Variants in TRAK1 observed in about 807,000 individuals in gnomAD.
TRAK1 encodes trafficking kinesin-binding protein 1.
TRAK1 carries 33 observed loss-of-function variants against 92.1 expected under a neutral mutation model. The observed-to-expected ratio is 0.36, with a 90% CI of 0.27 to 0.48. TRAK1 has a LOEUF of 0.48. TRAK1 is among the 20% of genes least tolerant of loss of function. The pLI, the probability that TRAK1 is intolerant of heterozygous loss-of-function variation, is 0.99. For missense variants in TRAK1, 1,123 were observed against 1,257.9 expected (o/e 0.89, Z 1.62); for synonymous variants, 521 against 517.3 (o/e 1.01, Z -0.10).
intron 1 of TRAK1, among the ~76,000 whole-genome samples, chr3:42,117,322 T>C (rs1377193689): frequency 1.3e-5 from 2 of 150,926 alleles, no homozygotes; most frequent in Non-Finnish European, 2.9e-5. Context: ...TCCAAACTCT[T>C]GAAACTGTGC....
intron 1 of TRAK1, among the ~76,000 whole-genome samples, chr3:42,025,276 C>T (rs17219278): frequency 0.073 from 11,176 of 152,154 alleles, 483 homozygotes; most frequent in Middle Eastern, 0.21. Context: ...ACCCTGGCAA[C>T]GAGGCACGCT....
intron 2 of TRAK1, among the ~76,000 whole-genome samples, chr3:42,150,816 G>T (rs1038053869): frequency 2.0e-5 from 3 of 152,184 alleles, no homozygotes; most frequent in African/African-American, 4.8e-5. Context: ...TGTTCGTTCT[G>T]TGTACATCTT....
intron 2 of TRAK1, among the ~76,000 whole-genome samples, chr3:42,166,780 T>TA (rs1315168244): frequency 6.6e-6 from 1 of 152,160 alleles, no homozygotes; most frequent in Admixed American, 6.5e-5. Flanking sequence ...TGATAAGCAA[T>TA]AAAAGGAAGC....
intron 2 of TRAK1, among the ~76,000 whole-genome samples, chr3:42,135,407 T>A (rs1697821745): frequency 6.6e-6 from 1 of 152,216 alleles, no homozygotes; most frequent in Admixed American, 6.5e-5. Flanking sequence ...TGAGCTCTCT[T>A]GATGGAGGGA....
chr3:42,089,711 C>G (rs1242822237), upstream of TRAK1, among the ~76,000 whole-genome samples: 1 of 132,056 alleles, frequency 7.6e-6, no homozygotes, highest in Non-Finnish European at 1.6e-5. Flanking sequence ...CCTCACCTTT[C>G]CCCATCTCCC....
In TRAK1 at chr3:42,223,389, C is replaced by T; in HGVS notation, c.2514C>T (p.Val838=). The T allele has an allele frequency of 6.2e-7, 1 of 1,614,238 alleles. No homozygotes were observed. Residue 838 remains valine (V), a synonymous_variant, in exon 16 of 16, where the codon GTC becomes GTT. Coordinates refer to ENST00000327628, the MANE Select transcript of TRAK1 (RefSeq NM_001042646.3). The surrounding 1 kb of genome is among the most constrained non-coding windows in gnomAD (Gnocchi z 6.1). ...GCGAGAGCCAGACCGACGTGTCCGT[C>T]TCCAACCTCAACCTCGTGGACAAAG... The part of the protein sequence containing the change: ...RSSESQTDVS[V]SNLNLVDKVR...
chr3:42,060,644 T>TTGG (rs1703392677), intron 1 of TRAK1, among the ~76,000 whole-genome samples: 2 of 141,982 alleles, frequency 1.4e-5, no homozygotes, highest in African/African-American at 2.5e-5. Context: ...TTTTTTTTTT[T>TTGG]GAGACGGAGT....
chr3:42,120,565 A>G (rs1196347412), intron 1 of TRAK1, among the ~76,000 whole-genome samples: 2 of 151,590 alleles, frequency 1.3e-5, no homozygotes, highest in Non-Finnish European at 2.9e-5. Flanking sequence ...TTTGTTTGAG[A>G]TGGAGTCTCG....
intron 13 of TRAK1, among the ~76,000 whole-genome samples, chr3:42,205,810 G>A (rs1166992751): frequency 1.3e-5 from 2 of 152,262 alleles, no homozygotes; most frequent in African/African-American, 2.4e-5. Flanking sequence ...GAACACTGGG[G>A]TATGGAAGGA....
intron 1 of TRAK1, among the ~76,000 whole-genome samples, chr3:42,053,794 C>T (rs78875537): frequency 0.074 from 11,280 of 152,166 alleles, 486 homozygotes; most frequent in Middle Eastern, 0.21. Context: ...CCCCACGTGC[C>T]GAGGGCTACC....
chr3:42,093,117 T>G (rs956633296), intron 1 of TRAK1, among the ~76,000 whole-genome samples: 1 of 152,196 alleles, frequency 6.6e-6, no homozygotes, highest in Non-Finnish European at 1.5e-5. Context: ...GAATGGACAG[T>G]GAAATATATA....
At chr3:42,189,202 G>T in intron 6 of TRAK1, 78 bp downstream of exon 6, 3 of 1,079,256 alleles carry the variant, frequency 2.8e-6, no homozygotes, top group South Asian at 2.7e-5. Context: ...GACAACCATG[G>T]TTAAGTGCCC....
intron 2 of TRAK1, among the ~76,000 whole-genome samples, chr3:42,171,788 G>C (rs529386354): frequency 6.6e-6 from 1 of 152,164 alleles, no homozygotes; most frequent in African/African-American, 2.4e-5. Context: ...GCATGTTTCT[G>C]TTCTCTTCTG....
intron 2 of TRAK1, among the ~76,000 whole-genome samples, chr3:42,158,971 AATAATAAT>A (rs2149291796): frequency 7.8e-6 from 1 of 128,610 alleles, no homozygotes; most frequent in East Asian, 2.2e-4. Context: ...AAATAATAAT[AATAATAAT>A]AATAATAATA....
At chr3:42,212,206 T>TG (rs1709129734) in intron 14 of TRAK1, 7 of 985,420 alleles carry the variant, frequency 7.1e-6, no homozygotes, top group Middle Eastern at 5.2e-4. Context: ...GGGGAAGGCA[T>TG]GGGGCATCCT....
In TRAK1 at chr3:42,198,226, G is replaced by A. The variant is rs187009200; in HGVS notation, c.1114-951G>A. ...CACCTCCTACAGTGCTGAGTGATGGGTGGTACAGGAGAGGGGACATCCATC... is the reference window on the plus strand; with the variant it reads ...CACCTCCTACAGTGCTGAGTGATGGATGGTACAGGAGAGGGGACATCCATC... On this transcript the variant is annotated intron_variant, in intron 10 of 15. Transcript: ENST00000327628. 3.9e-5 allele frequency among the ~76,000 whole-genome samples: 6 copies of A among 152,308 alleles called. No individual in the cohort carries two copies. The East Asian group carries it at 9.6e-4, about 24-fold the overall frequency.
intron 1 of TRAK1, among the ~76,000 whole-genome samples, chr3:42,097,042 T>C (rs550620579): frequency 6.6e-6 from 1 of 152,346 alleles, no homozygotes; most frequent in East Asian, 1.9e-4. Flanking sequence ...GGTATGTATG[T>C]CCCCTCCCCT....
At chr3:42,056,165 T>C (rs1703197199) in intron 1 of TRAK1, among the ~76,000 whole-genome samples, 1 of 152,248 alleles carries the variant, frequency 6.6e-6, no homozygotes, top group Admixed American at 6.5e-5. Context: ...TTTTTTATTG[T>C]GGACATTTGT....
chr3:42,175,507 A>G (rs1219915724), intron 2 of TRAK1, among the ~76,000 whole-genome samples: 1 of 151,960 alleles, frequency 6.6e-6, no homozygotes, highest in East Asian at 1.9e-4. Context: ...GACAGGAGGG[A>G]TCTCATGAAA....
Sources: allele counts gnomAD v4.1 joint callset (sites outside exome capture counted in the v4.1 genomes callset), GRCh38; gene constraint gnomAD v4.1.1; non-coding constraint Gnocchi (gnomAD v3.1); transcripts MANE v1.5; gene names NCBI Gene and HGNC (gene_info 2026-07-23, HGNC 2026-07-21).